Variants in HMCN1 observed in about 807,000 individuals in gnomAD.
HMCN1 encodes hemicentin-1.
A neutral mutation model predicts 625.9 loss-of-function variants in HMCN1; 321 were observed. The observed-to-expected ratio is 0.51, with a 90% CI of 0.47 to 0.56. HMCN1 has a LOEUF of 0.56. Among genes scored for constraint, HMCN1 ranks in the 20% least tolerant of loss-of-function variants. HMCN1 has a pLI of 0.00. For missense variants in HMCN1, 6,588 were observed against 6,887.3 expected, an observed-to-expected ratio of 0.96 and a Z score of 1.54; for synonymous variants, 2,425 against 2,417.6, an observed-to-expected ratio of 1.00 and a Z score of -0.09.
intron 89 of HMCN1, among the ~76,000 whole-genome samples, chr1:186,143,218 GCAGA>G (rs1350682070): frequency 1.3e-5 from 2 of 152,164 alleles, no homozygotes; most frequent in African/African-American, 4.8e-5. Context: ...TCTAACCAAA[GCAGA>G]CAAATGATAA....
In HMCN1 at chr1:185,809,794, T is replaced by G. The variant is rs556064792; in HGVS notation, c.269-36232T>G. On this transcript the variant is annotated intron_variant, in intron 1 of 106. Coordinates refer to ENST00000271588, the MANE Select transcript of HMCN1 (RefSeq NM_031935.3). ...TTGCCAGATTTAGTGATTTATTTTG[T>G]CACTTCTGTCACTCTGAAAGGCTTA... Among the ~76,000 whole-genome samples, 4 of 152,190 alleles carry G rather than the reference T, an allele frequency of 2.6e-5. No individual in the cohort carries two copies. In the South Asian group the frequency reaches 8.3e-4, roughly 32 times the overall value.
At chr1:185,859,888 C>T (rs932576644) in intron 2 of HMCN1, among the ~76,000 whole-genome samples, 15 of 151,808 alleles carry the variant, frequency 9.9e-5, no homozygotes, top group African/African-American at 2.4e-4. Flanking sequence ...CCAGCCTGGT[C>T]GCGAACTCCT....
At chr1:185,768,370 G>T (rs1000073836) in intron 1 of HMCN1, among the ~76,000 whole-genome samples, 1 of 152,168 alleles carries the variant, frequency 6.6e-6, no homozygotes, top group Non-Finnish European at 1.5e-5. Context: ...AGAGGAGAGG[G>T]ATGATTTGTT....
At chr1:185,995,546 C>G (rs1020751511) in intron 24 of HMCN1, among the ~76,000 whole-genome samples, 2 of 152,120 alleles carry the variant, frequency 1.3e-5, no homozygotes, top group Non-Finnish European at 2.9e-5. Flanking sequence ...TGATCGAGCT[C>G]TTGCCAGGCA....
intron 93 of HMCN1, among the ~76,000 whole-genome samples, chr1:186,149,175 G>A (rs188561345): frequency 6.6e-6 from 1 of 152,240 alleles, no homozygotes; most frequent in African/African-American, 2.4e-5. Context: ...TTTGTTCTTT[G>A]GAGCTTTGAA....
intron 103 of HMCN1, 25 bp from the exon 104 acceptor site, chr1:186,178,391 T>A: frequency 2.6e-6 from 4 of 1,558,240 alleles, no homozygotes; most frequent in Non-Finnish European, 3.5e-6. Flanking sequence ...TTTTTTTTCT[T>A]TTTTATATCA....
At chr1:185,829,542 G>T (rs537517020) in intron 1 of HMCN1, among the ~76,000 whole-genome samples, 1 of 152,154 alleles carries the variant, frequency 6.6e-6, no homozygotes, top group African/African-American at 2.4e-5. Flanking sequence ...GTTTGCTAAG[G>T]ATGATGGCTT....
intron 44 of HMCN1, among the ~76,000 whole-genome samples, chr1:186,054,262 G>C (rs887521861): frequency 2.6e-5 from 4 of 151,944 alleles, no homozygotes; most frequent in African/African-American, 9.7e-5. Context: ...TGGACATGTG[G>C]AGGGGGAAGG....
chr1:185,851,955 T>C (rs999808257), intron 2 of HMCN1, among the ~76,000 whole-genome samples: 4 of 152,036 alleles, frequency 2.6e-5, no homozygotes, highest in Non-Finnish European at 5.9e-5. Flanking sequence ...GTAAAGTCTT[T>C]TAATAAAATT....
intron 4 of HMCN1, among the ~76,000 whole-genome samples, chr1:185,894,413 A>G (rs536343277): frequency 4.2e-4 from 64 of 152,322 alleles, no homozygotes; most frequent in South Asian, 3.7e-3. Context: ...ATACATGGGT[A>G]ATTTCCAGTT....
intron 4 of HMCN1, among the ~76,000 whole-genome samples, chr1:185,889,521 G>A (rs1358952058): frequency 7.2e-6 from 1 of 139,724 alleles, no homozygotes; most frequent in Non-Finnish European, 1.5e-5. Flanking sequence ...TAGCATGAAG[G>A]GTTGTTGAAT....
chr1:186,175,876 C>CAAAAAAAAAAAAAAAAAAAAA (rs758445916), intron 103 of HMCN1, among the ~76,000 whole-genome samples: 7 of 76,170 alleles, frequency 9.2e-5, no homozygotes, highest in Admixed American at 1.5e-4. Context: ...AACTATGTCT[C>CAAAAAAAAAAAAAAAAAAAAA]AAAAAAAAAA....
At chr1:186,074,629 CA>C in intron 52 of HMCN1, 111 bp from the exon 53 acceptor site, 1 of 875,758 alleles carries the variant, frequency 1.1e-6, no homozygotes, top group South Asian at 1.5e-5. Context: ...GAATGTTTTG[CA>C]TACAATTTTA....
intron 11 of HMCN1, among the ~76,000 whole-genome samples, chr1:185,959,449 G>A (rs1263525197): frequency 6.6e-6 from 1 of 151,824 alleles, no homozygotes; most frequent in Non-Finnish European, 1.5e-5. Context: ...AAGTAGTATT[G>A]GTTTTTATTT....
chr1:186,049,353 T>A (rs1656793484), intron 42 of HMCN1, among the ~76,000 whole-genome samples: 1 of 152,100 alleles, frequency 6.6e-6, no homozygotes, highest in Non-Finnish European at 1.5e-5. Context: ...GAGTCTCAGC[T>A]GTGGCTATCA....
intron 83 of HMCN1, among the ~76,000 whole-genome samples, chr1:186,128,834 A>G (rs1188873780): frequency 6.6e-6 from 1 of 152,086 alleles, no homozygotes; most frequent in Admixed American, 6.6e-5. Context: ...TATTTGTTAG[A>G]CTTTGTCATC....
intron 105 of HMCN1, among the ~76,000 whole-genome samples, chr1:186,183,898 G>A (rs188336292): frequency 3.5e-4 from 54 of 152,182 alleles, no homozygotes; most frequent in Admixed American, 7.2e-4. Context: ...TGAAGGAGTG[G>A]CGATGCCCAC....
At chr1:186,171,973 C>CT in intron 101 of HMCN1, 33 bp from the exon 102 acceptor site, 1 of 1,603,574 alleles carries the variant, frequency 6.2e-7, no homozygotes, top group African/African-American at 1.3e-5. Flanking sequence ...AAATAATTTT[C>CT]TTAATCTACA....
chr1:185,984,996 A>T (rs915446534), intron 19 of HMCN1, among the ~76,000 whole-genome samples: 3 of 152,178 alleles, frequency 2.0e-5, no homozygotes, highest in Non-Finnish European at 2.9e-5. Flanking sequence ...AGAGCTGAAT[A>T]TCTGAGGGAA....
Sources: allele counts gnomAD v4.1 joint callset (sites outside exome capture counted in the v4.1 genomes callset), GRCh38; gene constraint gnomAD v4.1.1; transcripts MANE v1.5; gene names NCBI Gene and HGNC (gene_info 2026-07-23, HGNC 2026-07-21).